The following MYH13 variants were observed in gnomAD, a reference collection of about 807,000 sequenced individuals.
The protein encoded by MYH13 is myosin heavy chain 13, also known as myosin-13.
MYH13 carries 177 observed loss-of-function variants against 232.1 expected under a neutral mutation model. That is an observed-to-expected ratio of 0.76 (90% CI 0.67 to 0.86). MYH13 has a LOEUF of 0.86. Among genes scored for constraint, MYH13 ranks in the 40% least tolerant of loss-of-function variants. The probability of loss-of-function intolerance (pLI) is 0.00; values close to 1 mark genes in which losing one functional copy is unlikely to be tolerated. For missense variants in MYH13, 2,246 were observed against 2,405.9 expected (o/e 0.93, Z 1.39); for synonymous variants, 884 against 923.5 (o/e 0.96, Z 0.78).
At chr17:10,355,882 A>G (rs1337066277) in intron 8 of MYH13, among the ~76,000 whole-genome samples, 1 of 82,822 alleles carries the variant, frequency 1.2e-5, no homozygotes, top group Non-Finnish European at 2.2e-5. Flanking sequence ...GTATCTTAAT[A>G]GATGCTACTT....
intron 7 of MYH13, 61 bp from the exon 8 acceptor site, chr17:10,357,888 G>A: frequency 1.4e-6 from 2 of 1,470,280 alleles, no homozygotes; most frequent in Non-Finnish European, 1.9e-6. Flanking sequence ...GTAGCCCCTT[G>A]ATGACTAAAA....
intron 23 of MYH13, among the ~76,000 whole-genome samples, chr17:10,322,780 T>TAC (rs1907014398): frequency 6.6e-6 from 1 of 151,788 alleles, no homozygotes; most frequent in East Asian, 1.9e-4. Flanking sequence ...ACTACAGGCG[T>TAC]CCGCCACCAC....
chr17:10,324,493 T>C (rs1409612812), intron 22 of MYH13, among the ~76,000 whole-genome samples: 2 of 152,288 alleles, frequency 1.3e-5, no homozygotes, highest in East Asian at 3.9e-4. Flanking sequence ...TGGCCCAGGC[T>C]GGAGTGTAGC....
chr17:10,309,200 T>A (rs1356708264), intron 35 of MYH13, 34 bp downstream of exon 35: 1 of 1,601,002 alleles, frequency 6.2e-7, no homozygotes, highest in Non-Finnish European at 8.5e-7. Flanking sequence ...TGCCCCAGGG[T>A]GGACCTTCAG....
intron 29 of MYH13, among the ~76,000 whole-genome samples, chr17:10,313,736 G>A (rs923046775): frequency 1.3e-5 from 2 of 152,160 alleles, no homozygotes; most frequent in Non-Finnish European, 2.9e-5. Flanking sequence ...CAAATGCTAA[G>A]GAAGTGTGGT....
At chr17:10,322,698 G>A (rs375903780) in intron 23 of MYH13, among the ~76,000 whole-genome samples, 134 of 140,344 alleles carry the variant, frequency 9.5e-4, no homozygotes, top group African/African-American at 2.1e-3. Context: ...CAGTGGCGCA[G>A]TCTCAGCTCA....
chr17:10,323,183 A>G (rs915772484), intron 23 of MYH13, among the ~76,000 whole-genome samples: 5 of 152,174 alleles, frequency 3.3e-5, no homozygotes, highest in Non-Finnish European at 5.9e-5. Flanking sequence ...CTATACACCC[A>G]GGAGCAGAAT....
chr17:10,309,253 A>G lies in MYH13; in HGVS notation c.5150T>C (p.Val1717Ala), dbSNP rs1906402472. ...ACGCACCTGGGAGTGCAGGAGCTGC[A>G]CGCGGTCGCTGGCGTCCAGCAGCTC... The part of the protein sequence containing the change: ...EQELLDASDR[V>A]QLLHSQNTSL... The change falls in exon 35 of 41, where the codon GTG (valine) becomes GCG (alanine). Residue 1717 changes from valine to alanine, a missense_variant. Val to Ala is a moderately conservative substitution (Grantham distance 64). Coordinates refer to ENST00000252172, the MANE Select transcript of MYH13 (RefSeq NM_003802.3). 1.2e-6 allele frequency: 2 copies of G among 1,613,370 alleles called. No homozygotes were observed. Among genetic ancestry groups the G allele is most frequent in the Non-Finnish European group, 1.7e-6 (2 of 1,179,798 alleles).
In MYH13 at chr17:10,320,177, A is replaced by T. The variant is rs748505561; in HGVS notation, c.3324T>A (p.Phe1108Leu). ...CTTGCAGTTCTTTAATCTTCTTTTG[A>T]AACTGCAAACTGTGGACTTGTTCGT... Reference protein sequence around the residue: ...IDDEQVHSLQFQKKIKELQAR... With the variant: ...IDDEQVHSLQLQKKIKELQAR... Residue 1108 changes from phenylalanine (F) to leucine (L), a missense_variant, in exon 26 of 41, where the codon TTT becomes TTA. Phe to Leu is a conservative substitution (Grantham distance 22). Transcript: ENST00000252172. 1.6e-5 allele frequency: 26 copies of T among 1,597,118 alleles called. No individual in the cohort carries two copies. In the South Asian group the frequency reaches 2.9e-4, roughly 18 times the overall value.
chr17:10,325,954 C>T (rs1313770083), intron 22 of MYH13, among the ~76,000 whole-genome samples: 1 of 152,102 alleles, frequency 6.6e-6, no homozygotes, highest in African/African-American at 2.4e-5. Flanking sequence ...GGATTACAGG[C>T]GTGAGCCACC....
intron 22 of MYH13, 118 bp downstream of exon 22, chr17:10,327,748 T>G (rs1041707321): frequency 3.0e-6 from 4 of 1,311,932 alleles, no homozygotes; most frequent in Non-Finnish European, 4.2e-6. Context: ...ATACTCCACA[T>G]GACCACTGGG....
In MYH13 at chr17:10,345,322, T is replaced by C. The variant is rs1170592040; in HGVS notation, c.1464A>G (p.Gln488=). The change falls in exon 15 of 41, where the codon CAA becomes CAG. Residue 488 remains glutamine (Q), a synonymous_variant. Coordinates refer to ENST00000252172, the MANE Select transcript of MYH13 (RefSeq NM_003802.3). ...LCINFTNEKL[Q]QFFNHHMFVL... ...CGAACATGTGGTGGTTGAAAAACTG[T>C]TGCAGTTTCTCATTGGTGAAGTTGA... is the stretch of plus-strand genomic sequence containing the variant. 1.7e-5 allele frequency: 28 copies of C among 1,614,108 alleles called. No individual in the cohort carries two copies. Among genetic ancestry groups the C allele is most frequent in the Non-Finnish European group, 2.4e-5 (28 of 1,180,052 alleles).
In MYH13 at chr17:10,364,519, G is replaced by A. The variant is rs34042358; in HGVS notation, c.12C>T (p.Asp4=). ...CTTCTCCAAAAATGGCCATTTCTGC[G>A]TCAGAGCTCATGACTGCAGAGGGCT... The part of the protein sequence containing the change: MSS[D]AEMAIFGEAA... Residue 4 remains aspartate (D), a synonymous_variant, in exon 3 of 41, where the codon GAC becomes GAT. Transcript: ENST00000252172. 56 of 1,594,912 alleles carry A rather than the reference G, an allele frequency of 3.5e-5. No homozygotes were observed. The highest frequency in any genetic ancestry group is 1.8e-4 in the East Asian group (8 of 44,422).
chr17:10,342,423 G>C (rs1335152713), intron 16 of MYH13, among the ~76,000 whole-genome samples: 3 of 152,004 alleles, frequency 2.0e-5, no homozygotes, highest in Non-Finnish European at 4.4e-5. Context: ...GTTATCATAT[G>C]ACCCAGCAAC....
intron 35 of MYH13, among the ~76,000 whole-genome samples, chr17:10,308,694 A>G (rs1906380429): frequency 6.6e-6 from 1 of 152,080 alleles, no homozygotes; most frequent in Non-Finnish European, 1.5e-5. Context: ...TTTTATAAAA[A>G]TAATTATTTT....
intron 20 of MYH13, among the ~76,000 whole-genome samples, chr17:10,331,648 C>A (rs1195640762): frequency 1.3e-5 from 2 of 152,230 alleles, no homozygotes; most frequent in African/African-American, 4.8e-5. Flanking sequence ...TATGATCAAT[C>A]GCACTGCAGC....
At chr17:10,331,956 GAC>G (rs1031456663) in intron 20 of MYH13, 141 bp downstream of exon 20, 3 of 979,084 alleles carry the variant, frequency 3.1e-6, no homozygotes, top group African/African-American at 3.3e-5. Flanking sequence ...TGTCTACCTA[GAC>G]ACAGAGCTCC....
rs550554425 is a variant in MYH13 at position 10,348,274 on chromosome 17, G to T, written c.1145-1476C>A. On this transcript the variant is annotated intron_variant, in intron 12 of 40. Transcript: ENST00000252172. ...ATTCCTTTGTTCAGACAGGCACCAA[G>T]TCCTGCTTATTTCACTCTCAAAATG... is the stretch of plus-strand genomic sequence containing the variant. 2.0e-5 allele frequency among the ~76,000 whole-genome samples: 3 copies of T among 152,306 alleles called. No individual in the cohort carries two copies. In the South Asian group the frequency reaches 6.2e-4, roughly 32 times the overall value.
Position 10,312,663 on chromosome 17 carries a change from G to C in MYH13, c.4276C>G (p.Gln1426Glu). 2 of 1,613,308 alleles carry C rather than the reference G, an allele frequency of 1.2e-6. No individual in the cohort carries two copies. The highest frequency in any genetic ancestry group is 1.7e-6 in the Non-Finnish European group (2 of 1,179,666). Residue 1426 changes from glutamine (Q) to glutamate (E), a missense_variant, in exon 31 of 41, where the codon CAG (glutamine) becomes GAG (glutamate). Coordinates refer to ENST00000252172, the MANE Select transcript of MYH13 (RefSeq NM_003802.3). ...CGCATCAGATCCTCCACCTCTCCCT[G>C]CAGCCTCTGCTTGGTTTTCTCCAAC... ...ASLEKTKQRL[Q>E]GEVEDLMRDL...
Sources: gnomAD v4.1 joint callset for allele counts (sites outside exome capture counted in the v4.1 genomes callset) on GRCh38, gnomAD v4.1.1 for gene constraint, MANE v1.5 for transcripts, NCBI Gene and HGNC (gene_info 2026-07-23, HGNC 2026-07-21) for gene names.